Variants in NRXN1 observed in about 807,000 individuals in gnomAD.
NRXN1 encodes neurexin 1, also known as neurexin-1.
Under a neutral mutation model 150.9 loss-of-function variants are expected in NRXN1, and 39 were observed. The ratio of observed to expected loss-of-function variants is 0.26; its 90% confidence interval spans 0.20 to 0.34. NRXN1 has a LOEUF of 0.34. NRXN1 is among the 10% of genes least tolerant of loss of function. The pLI, the probability that NRXN1 is intolerant of heterozygous loss-of-function variation, is 1.00. For synonymous variants in NRXN1, 924 were observed against 757.0 expected, an observed-to-expected ratio of 1.22 and a Z score of -3.62; for missense variants, 1,815 against 1,949.9, an observed-to-expected ratio of 0.93 and a Z score of 1.30.
chr2:50,141,743 C>G (rs192853054), intron 18 of NRXN1, among the ~76,000 whole-genome samples: 1 of 152,080 alleles, frequency 6.6e-6, no homozygotes, highest in Non-Finnish European at 1.5e-5. Context: ...ATATGAAAAT[C>G]CAAACCTCCA....
chr2:50,059,140 T>C (rs557515666), intron 19 of NRXN1, among the ~76,000 whole-genome samples: 8 of 152,158 alleles, frequency 5.3e-5, no homozygotes, highest in Admixed American at 3.9e-4. Flanking sequence ...TAGAGACTTG[T>C]TGAATGATGT....
At chr2:50,316,992 T>G (rs953694382) in intron 17 of NRXN1, among the ~76,000 whole-genome samples, 6 of 151,994 alleles carry the variant, frequency 3.9e-5, no homozygotes, top group Non-Finnish European at 7.4e-5. Flanking sequence ...AAATAATAAC[T>G]GTTTTTGGGA....
chr2:50,058,206 G>A (rs529181575), intron 19 of NRXN1, among the ~76,000 whole-genome samples: 2 of 152,172 alleles, frequency 1.3e-5, no homozygotes, highest in Non-Finnish European at 2.9e-5. Context: ...CTCAGCTAAA[G>A]CAAGAACATA....
intron 22 of NRXN1, among the ~76,000 whole-genome samples, chr2:49,937,210 T>G (rs1671203969): frequency 6.6e-6 from 1 of 152,196 alleles, no homozygotes; most frequent in African/African-American, 2.4e-5. Flanking sequence ...ATAGTTTGTT[T>G]ACATTTCCTT....
At chr2:50,996,040 G>A (rs1045319137) in intron 2 of NRXN1, among the ~76,000 whole-genome samples, 2 of 152,058 alleles carry the variant, frequency 1.3e-5, no homozygotes, top group Admixed American at 6.6e-5. Context: ...TCTTGCCTAC[G>A]TGGAATATCT....
At chr2:50,976,342 T>C (rs1436754615) in intron 2 of NRXN1, among the ~76,000 whole-genome samples, 1 of 152,004 alleles carries the variant, frequency 6.6e-6, no homozygotes, top group Non-Finnish European at 1.5e-5. Context: ...TGCTTGAATT[T>C]TTTCCCTTGA....
chr2:50,509,516 G>C (rs1162393627), intron 12 of NRXN1, among the ~76,000 whole-genome samples: 1 of 152,142 alleles, frequency 6.6e-6, no homozygotes, highest in African/African-American at 2.4e-5. Flanking sequence ...TCAACTTCTG[G>C]TGGTCTCAGC....
In NRXN1 at chr2:50,292,504, G is replaced by A. The variant is rs372704722; in HGVS notation, c.3365-55534C>T. 1.1e-4 allele frequency among the ~76,000 whole-genome samples: 16 copies of A among 152,192 alleles called. No homozygotes were observed. The East Asian group carries it at 2.9e-3, about 28-fold the overall frequency. On this transcript the variant is annotated intron_variant, in intron 17 of 22. Coordinates refer to ENST00000401669, the MANE Select transcript of NRXN1 (RefSeq NM_001330078.2). ...TCCATGTCAGCCTCTTTAACCACTG[G>A]TCAAAATGAATCATTTCCCAACAGT...
In NRXN1 at chr2:50,552,968, C is replaced by T; in HGVS notation, c.1378G>A (p.Asp460Asn). 6.2e-7 allele frequency: 1 copy of T among 1,613,602 alleles called. No individual in the cohort carries two copies. Among genetic ancestry groups the T allele is most frequent in the South Asian group, 1.1e-5 (1 of 91,058 alleles). The change falls in exon 9 of 23, where the codon GAT becomes AAT. Residue 460 changes from aspartate (D) to asparagine (N), a missense_variant. Around this residue, in one of 6 missense-constraint regions of NRXN1, gnomAD observed 638 missense variants for 652.6 expected, o/e 0.98. Coordinates refer to ENST00000401669, the MANE Select transcript of NRXN1 (RefSeq NM_001330078.2). Reference protein sequence around the residue: ...LELSRLAKQGDPKMKIHGVVA... With the variant: ...LELSRLAKQGNPKMKIHGVVA... ...ACTCCATGGATCTTCATCTTAGGAT[C>T]TCCTTGCTTGGCAAGTCGAGATAAT...
intron 2 of NRXN1, among the ~76,000 whole-genome samples, chr2:50,988,988 TTTTTCCCCCCATA>T (rs1470681932): frequency 6.6e-6 from 1 of 151,806 alleles, no homozygotes; most frequent in African/African-American, 2.4e-5. Flanking sequence ...CCTTTCCCAC[TTTTTCCCCCCATA>T]TTTTCCCCTA....
At chr2:50,446,682 T>C (rs1449551379) in intron 17 of NRXN1, among the ~76,000 whole-genome samples, 1 of 151,560 alleles carries the variant, frequency 6.6e-6, no homozygotes, top group Non-Finnish European at 1.5e-5. Context: ...CCATAGCAAA[T>C]ACTGAGTAAT....
At chr2:50,186,985 C>A (rs545730830) in intron 18 of NRXN1, among the ~76,000 whole-genome samples, 1 of 151,984 alleles carries the variant, frequency 6.6e-6, no homozygotes, top group East Asian at 1.9e-4. Flanking sequence ...TGGCATTAAA[C>A]AACATCTGCA....
chr2:50,046,583 A>G (rs1337277679), intron 21 of NRXN1, among the ~76,000 whole-genome samples: 1 of 152,130 alleles, frequency 6.6e-6, no homozygotes, highest in Admixed American at 6.6e-5. Context: ...TCTATTTTTT[A>G]TAGTTAAAAA....
At chr2:50,410,022 C>T (rs1023177773) in intron 17 of NRXN1, among the ~76,000 whole-genome samples, 2 of 152,150 alleles carry the variant, frequency 1.3e-5, no homozygotes, top group African/African-American at 4.8e-5. Context: ...GAACCCTTTA[C>T]TCCTGCCACA....
intron 16 of NRXN1, among the ~76,000 whole-genome samples, 159 bp from the exon 17 acceptor site, chr2:50,465,720 G>T (rs1199891487): frequency 6.6e-6 from 1 of 151,866 alleles, no homozygotes; most frequent in Non-Finnish European, 1.5e-5. Flanking sequence ...GAACTGAGAG[G>T]CTGTAATATG....
chr2:50,078,244 T>G (rs1215582680), intron 19 of NRXN1, among the ~76,000 whole-genome samples: 2 of 152,102 alleles, frequency 1.3e-5, no homozygotes, highest in Non-Finnish European at 2.9e-5. Flanking sequence ...TGTCAAAATT[T>G]TTTTTAACAA....
chr2:50,161,793 T>C (rs1294654845), intron 18 of NRXN1, among the ~76,000 whole-genome samples: 1 of 152,102 alleles, frequency 6.6e-6, no homozygotes, highest in African/African-American at 2.4e-5. Context: ...CTCTGTTTAG[T>C]GCCAGCCATG....
At chr2:50,304,357 C>T (rs577031401) in intron 17 of NRXN1, among the ~76,000 whole-genome samples, 1 of 152,276 alleles carries the variant, frequency 6.6e-6, no homozygotes, top group Non-Finnish European at 1.5e-5. Context: ...ATTTTCTGGG[C>T]TCTCTGGAGA....
chr2:50,730,985 T>C lies in NRXN1; in HGVS notation c.833-107370A>G, dbSNP rs182839086. Reference sequence around the variant, plus strand: ...ACCGCGCCCGGCCTTCCCTTATCTTTCTTACTGTGATTGCATTTACTCTGA... The same window carrying C: ...ACCGCGCCCGGCCTTCCCTTATCTTCCTTACTGTGATTGCATTTACTCTGA... On this transcript the variant is annotated intron_variant, in intron 5 of 22. Coordinates refer to ENST00000401669, the MANE Select transcript of NRXN1 (RefSeq NM_001330078.2). Among the ~76,000 whole-genome samples the C allele has an allele frequency of 3.3e-4, 51 of 152,302 alleles. No individual in the cohort carries two copies. In the East Asian group the frequency reaches 9.7e-3, roughly 29 times the overall value.
Sources: gnomAD v4.1 joint callset for allele counts (sites outside exome capture counted in the v4.1 genomes callset) on GRCh38, gnomAD v4.1.1 for gene constraint, gnomAD v4.1.1 regional missense constraint, MANE v1.5 for transcripts, NCBI Gene and HGNC (gene_info 2026-07-23, HGNC 2026-07-21) for gene names.